MAN2A1: variants seen among roughly 807,000 people sequenced by gnomAD.
The protein encoded by MAN2A1 is alpha-mannosidase 2.
MAN2A1 carries 76 observed loss-of-function variants against 142.6 expected under a neutral mutation model. The ratio of observed to expected loss-of-function variants is 0.53; its 90% CI spans 0.44 to 0.65. MAN2A1 has a LOEUF of 0.65. MAN2A1 is among the 30% of genes least tolerant of loss of function. The pLI is 0.00. For missense variants in MAN2A1, 1,311 were observed against 1,365.1 expected (o/e 0.96, Z 0.62); for synonymous variants, 559 against 473.2 (o/e 1.18, Z -2.35).
chr5:109,770,873 C>G (rs1040265176), intron 7 of MAN2A1, among the ~76,000 whole-genome samples: 14 of 152,080 alleles, frequency 9.2e-5, no homozygotes, highest in Admixed American at 2.6e-4. Flanking sequence ...AACTTCTGGT[C>G]CCTATTGTAC....
At chr5:109,699,995 A>G (rs1304358166) in intron 1 of MAN2A1, among the ~76,000 whole-genome samples, 1 of 152,214 alleles carries the variant, frequency 6.6e-6, no homozygotes, top group Non-Finnish European at 1.5e-5. Flanking sequence ...ACTTGAAGGA[A>G]ATATTCTGAG....
At chr5:109,723,831 T>C (rs1751671522) in intron 3 of MAN2A1, among the ~76,000 whole-genome samples, 1 of 152,230 alleles carries the variant, frequency 6.6e-6, no homozygotes, top group South Asian at 2.1e-4. Flanking sequence ...ACCCTTTTTC[T>C]CTCTCCAGAT....
chr5:109,765,410 T>C (rs1270750797), intron 5 of MAN2A1, among the ~76,000 whole-genome samples: 2 of 152,150 alleles, frequency 1.3e-5, no homozygotes, highest in African/African-American at 4.8e-5. Context: ...CTAGTTACAA[T>C]ATCACTGCAG....
intron 7 of MAN2A1, among the ~76,000 whole-genome samples, chr5:109,771,274 T>G (rs1217496536): frequency 6.6e-6 from 1 of 152,158 alleles, no homozygotes; most frequent in South Asian, 2.1e-4. Context: ...TAAACTCTGC[T>G]AGGAAAATAA....
At chr5:109,808,123 G>A (rs1001337215) in intron 12 of MAN2A1, among the ~76,000 whole-genome samples, 2 of 152,148 alleles carry the variant, frequency 1.3e-5, no homozygotes, top group Non-Finnish European at 2.9e-5. Context: ...GCACTTTACT[G>A]TGTAGCGTCT....
chr5:109,789,547 C>T lies in MAN2A1; in HGVS notation c.1943+20C>T. On this transcript the variant is annotated intron_variant, in intron 12 of 21. Coordinates refer to ENST00000261483, the MANE Select transcript of MAN2A1 (RefSeq NM_002372.4). ...GCCAAGGTAAATTCATAATTTCTTACAAATGTTTACCACTTTCTGGCTTAA... is the reference window on the plus strand; with the variant it reads ...GCCAAGGTAAATTCATAATTTCTTATAAATGTTTACCACTTTCTGGCTTAA... 6.6e-7 allele frequency: 1 copy of T among 1,515,550 alleles called. No individual in the cohort carries two copies. Among genetic ancestry groups the T allele is most frequent in the Non-Finnish European group, 9.0e-7 (1 of 1,115,276 alleles). The allele number at this position is 1,515,550 out of a possible 1,614,324, so 93.9% of individuals were successfully genotyped here. A position where few individuals can be genotyped will look rare whatever the true frequency, so the allele number is the denominator to read the frequency against.
At chr5:109,864,710 C>G (rs879236085) in intron 20 of MAN2A1, 1 of 204,462 alleles carries the variant, frequency 4.9e-6, no homozygotes, top group Admixed American at 5.6e-5. Context: ...AAACATAATG[C>G]TTTATTTGAA....
At chr5:109,822,741 G>T (rs142737072) in intron 15 of MAN2A1, among the ~76,000 whole-genome samples, 3 of 151,900 alleles carry the variant, frequency 2.0e-5, no homozygotes, top group African/African-American at 7.3e-5. Flanking sequence ...GCAGTGGCGC[G>T]ATCTCAGCTC....
chr5:109,731,278 T>C (rs1042901697), intron 4 of MAN2A1, among the ~76,000 whole-genome samples: 1 of 151,762 alleles, frequency 6.6e-6, no homozygotes, highest in Non-Finnish European at 1.5e-5. Context: ...TTTTTTTTTT[T>C]AAGCAATTGA....
At chr5:109,824,073 T>C (rs1392706719) in intron 16 of MAN2A1, among the ~76,000 whole-genome samples, 1 of 152,236 alleles carries the variant, frequency 6.6e-6, no homozygotes, top group Non-Finnish European at 1.5e-5. Context: ...TGTTGCCATA[T>C]TGGTCTTGAG....
At chr5:109,709,207 A>G (rs143327155) in intron 1 of MAN2A1, among the ~76,000 whole-genome samples, 103 of 152,344 alleles carry the variant, frequency 6.8e-4, no homozygotes, top group Admixed American at 1.3e-3. Context: ...ATAGCATATA[A>G]TAAATATTAA....
intron 12 of MAN2A1, among the ~76,000 whole-genome samples, chr5:109,798,662 TTTTG>T (rs879750801): frequency 1.7e-4 from 26 of 151,922 alleles, no homozygotes; most frequent in South Asian, 4.2e-4. Context: ...TCATTCTGTG[TTTTG>T]TTTGTTTGTT....
chr5:109,720,153 G>A (rs1751561357), intron 3 of MAN2A1, among the ~76,000 whole-genome samples: 4 of 152,178 alleles, frequency 2.6e-5, no homozygotes, highest in Admixed American at 2.6e-4. Flanking sequence ...AAGTCACAGT[G>A]TGTGGAGAGA....
intron 5 of MAN2A1, among the ~76,000 whole-genome samples, chr5:109,759,370 G>A (rs1352153176): frequency 1.3e-5 from 2 of 152,032 alleles, no homozygotes; most frequent in African/African-American, 4.8e-5. Context: ...ATTATTCATT[G>A]CTAGTATGTA....
intron 16 of MAN2A1, among the ~76,000 whole-genome samples, chr5:109,833,909 C>A (rs1754995777): frequency 6.6e-6 from 1 of 152,118 alleles, no homozygotes; most frequent in Non-Finnish European, 1.5e-5. Flanking sequence ...ATGTGTTTTG[C>A]AGAAATATTT....
rs752266783 is a variant in MAN2A1 at position 109,819,688 on chromosome 5, T to C, written c.2129T>C (p.Ile710Thr). The part of the protein sequence containing the change: ...TAYEISFRAH[I>T]PPLGLKVYKI... The stretch of plus-strand genomic sequence containing the variant: ...TTAAAGATCTCTTTTCGAGCACATA[T>C]ACCGCCATTGGGACTGAAAGTGTAT... Residue 710 changes from isoleucine (I) to threonine (T), a missense_variant, in exon 14 of 22, where the codon ATA becomes ACA. This residue lies in a region of MAN2A1 where 890 missense variants were observed against 920.5 expected (regional missense o/e 0.97). Transcript: ENST00000261483. 4 of 1,601,582 alleles carry C rather than the reference T, an allele frequency of 2.5e-6. No individual in the cohort carries two copies. Among genetic ancestry groups the C allele is most frequent in the African/African-American group, 2.7e-5 (2 of 74,222 alleles).
intron 12 of MAN2A1, among the ~76,000 whole-genome samples, chr5:109,815,693 CTGTAGGTATTCATTTTA>C (rs1754437714): frequency 6.6e-6 from 1 of 152,004 alleles, no homozygotes; most frequent in African/African-American, 2.4e-5. Flanking sequence ...GTTTTGGCCC[CTGTAGGTATTCATTTTA>C]TTTCTTAATG....
At chr5:109,854,890 G>A (rs996703821) in intron 19 of MAN2A1, 1 of 314,446 alleles carries the variant, frequency 3.2e-6, no homozygotes, top group Non-Finnish European at 5.7e-6. Context: ...AATGTTTTCA[G>A]TATTTTTAGT....
rs151243599 is a variant in MAN2A1, at chr5:109,754,618, G to A, written c.708-711G>A. On this transcript the variant is annotated intron_variant, in intron 4 of 21. Coordinates refer to ENST00000261483, the MANE Select transcript of MAN2A1 (RefSeq NM_002372.4). ...ATAAAAGTATATTGAAATAAATAATGTGCTTAAAGTGACAGCCCTCCAATA... is the reference window on the plus strand; with the variant it reads ...ATAAAAGTATATTGAAATAAATAATATGCTTAAAGTGACAGCCCTCCAATA... Among the ~76,000 whole-genome samples the A allele has an allele frequency of 9.9e-4, 151 of 152,274 alleles. 1 individual carries two copies. Among genetic ancestry groups the A allele is most frequent in the African/African-American group, 3.5e-3 (147 of 41,536 alleles).
Sources: allele counts gnomAD v4.1 joint callset (sites outside exome capture counted in the v4.1 genomes callset), GRCh38; gene constraint gnomAD v4.1.1; regional missense constraint gnomAD v4.1.1; transcripts MANE v1.5; gene names NCBI Gene and HGNC (gene_info 2026-07-23, HGNC 2026-07-21).